Variants in NNT observed in about 807,000 individuals in gnomAD.
NNT encodes nicotinamide nucleotide transhydrogenase.
In NNT, 50 loss-of-function variants were observed where a neutral mutation model predicts 104.8. The observed-to-expected ratio is 0.48, with a 90% CI of 0.38 to 0.60. The LOEUF (loss-of-function observed/expected upper bound fraction) is 0.60. Among genes scored for constraint, NNT ranks in the 20% least tolerant of loss-of-function variants. The pLI is 0.00. For synonymous variants in NNT, 461 were observed against 490.4 expected, an observed-to-expected ratio of 0.94 and a Z score of 0.79; for missense variants, 1,131 against 1,330.7, an observed-to-expected ratio of 0.85 and a Z score of 2.33.
Position 43,707,127 on chromosome 5 carries a change from A to G in NNT, c.*2723A>G, listed in dbSNP as rs1019005703. ...TAGAACTTAAAGTATAATTAAAAAA[A>G]AAAAGAAAACAGAAGCTATTTATAA... is the stretch of plus-strand genomic sequence containing the variant. On this transcript the variant is annotated 3_prime_UTR_variant, in exon 22 of 22. Transcript: ENST00000344920. 9 of 152,186 alleles carry G rather than the reference A, an allele frequency of 5.9e-5. No individual in the cohort carries two copies. The highest frequency in any genetic ancestry group is 1.3e-4 in the Non-Finnish European group (9 of 68,030). The allele number at this position is 152,186 out of a possible 1,614,324, so 9.4% of individuals were successfully genotyped here. A position where few individuals can be genotyped will look rare whatever the true frequency, so the allele number is the denominator to read the frequency against.
chr5:43,635,822 C>T (rs1028875675), intron 7 of NNT, among the ~76,000 whole-genome samples: 9 of 152,058 alleles, frequency 5.9e-5, no homozygotes, highest in South Asian at 2.1e-4. Flanking sequence ...CTCATTTTAA[C>T]GTAATCACCT....
At chr5:43,615,506 T>G (rs949748559) in intron 3 of NNT, among the ~76,000 whole-genome samples, 10 of 152,202 alleles carry the variant, frequency 6.6e-5, no homozygotes, top group African/African-American at 2.2e-4. Context: ...ATCTGTTAAT[T>G]TTACCAGGGT....
At position 43,669,779 on chromosome 5, in the gene NNT, G is replaced by A. The variant is rs546716769; in HGVS notation, c.2635-5732G>A. Among the ~76,000 whole-genome samples, 14 of 152,240 alleles carry A rather than the reference G, an allele frequency of 9.2e-5. No individual in the cohort carries two copies. In the East Asian group the frequency reaches 1.2e-3, roughly 13 times the overall value. ...TGTCTCTGTCAGGCTTTGGTATCAG[G>A]ATGATGCTGGCCTCATAAAATGAGT... is the stretch of plus-strand genomic sequence containing the variant. On this transcript the variant is annotated intron_variant, in intron 17 of 21. Transcript: ENST00000344920.
intron 17 of NNT, among the ~76,000 whole-genome samples, chr5:43,669,970 G>T (rs9765673): frequency 6.6e-6 from 1 of 152,038 alleles, no homozygotes; most frequent in Admixed American, 6.5e-5. Context: ...CCTGTTATTG[G>T]TCTATTCAGG....
In NNT at chr5:43,705,008, CTAAA is replaced by C. The variant is rs1403165755; in HGVS notation, c.*608_*611del. 2 of 152,124 alleles carry C rather than the reference CTAAA, an allele frequency of 1.3e-5. No homozygotes were observed. The highest frequency in any genetic ancestry group is 2.9e-5 in the Non-Finnish European group (2 of 67,976). The allele number at this position is 152,124 out of a possible 1,614,324, so 9.4% of individuals were successfully genotyped here. A position where few individuals can be genotyped will look rare whatever the true frequency, so the allele number is the denominator to read the frequency against. On this transcript the variant is annotated 3_prime_UTR_variant, in exon 22 of 22. Coordinates refer to ENST00000344920, the MANE Select transcript of NNT (RefSeq NM_182977.3). Reference sequence around the variant, plus strand: ...ACTACTATTTTAATACATTAAAGGACTAAATAATCTTTCAGAGATGCTGGAAACA... The same window carrying C: ...ACTACTATTTTAATACATTAAAGGACTAATCTTTCAGAGATGCTGGAAACA...
intron 17 of NNT, among the ~76,000 whole-genome samples, chr5:43,666,147 G>C (rs1046383206): frequency 6.6e-6 from 1 of 151,892 alleles, no homozygotes; most frequent in African/African-American, 2.4e-5. Context: ...CATCCCAGAC[G>C]ATGGGCGGCC....
At chr5:43,657,440 C>T (rs992705478) in intron 16 of NNT, among the ~76,000 whole-genome samples, 4 of 152,106 alleles carry the variant, frequency 2.6e-5, no homozygotes, top group Middle Eastern at 3.2e-3. Context: ...TTTTATGCAG[C>T]GCTATTTACT....
At chr5:43,683,849 T>TA (rs1169639031) in intron 19 of NNT, among the ~76,000 whole-genome samples, 6 of 152,204 alleles carry the variant, frequency 3.9e-5, no homozygotes, top group African/African-American at 1.2e-4. Flanking sequence ...TTGCCTATTT[T>TA]AAAATCAAAA....
At chr5:43,673,147 G>A (rs1741219498) in intron 17 of NNT, among the ~76,000 whole-genome samples, 1 of 152,182 alleles carries the variant, frequency 6.6e-6, no homozygotes, top group African/African-American at 2.4e-5. Flanking sequence ...GTAGTATTAG[G>A]GTGGGAGTGA....
In NNT at chr5:43,705,280, T is replaced by A. The variant is rs1240379748; in HGVS notation, c.*876T>A. 1.3e-5 allele frequency: 2 copies of A among 152,288 alleles called. No homozygotes were observed. The highest frequency in any genetic ancestry group is 2.1e-4 in the South Asian group (1 of 4,832). The allele number at this position is 152,288 out of a possible 1,614,324, so 9.4% of individuals were successfully genotyped here. ...GGTGACAAAAGAGTAAAATCAAATA[T>A]TTCTGCCTGTTACAAATATCAAGGA... is the stretch of plus-strand genomic sequence containing the variant. On this transcript the variant is annotated 3_prime_UTR_variant, in exon 22 of 22. Transcript: ENST00000344920.
At chr5:43,643,910 C>T (rs566370687) in intron 7 of NNT, among the ~76,000 whole-genome samples, 35 of 152,120 alleles carry the variant, frequency 2.3e-4, no homozygotes, top group African/African-American at 6.5e-4. Flanking sequence ...GTGTATAAAC[C>T]GGGTAGGGAG....
Position 43,645,528 on chromosome 5 carries a change from C to G in NNT, c.1444+18C>G. 1 of 1,468,346 alleles carries G rather than the reference C, an allele frequency of 6.8e-7. No homozygotes were observed. Among genetic ancestry groups the G allele is most frequent in the Non-Finnish European group, 9.0e-7 (1 of 1,107,256 alleles). The allele number at this position is 1,468,346 out of a possible 1,614,324, so 91.0% of individuals were successfully genotyped here. On this transcript the variant is annotated intron_variant, in intron 10 of 21. Coordinates refer to ENST00000344920, the MANE Select transcript of NNT (RefSeq NM_182977.3). ...TACAGCAGGTGAGGATACCATTTAC[C>G]AGGGTTTAGTCTTGATTGTTTGATT...
intron 17 of NNT, among the ~76,000 whole-genome samples, chr5:43,671,904 A>G (rs1406723809): frequency 6.6e-6 from 1 of 152,148 alleles, no homozygotes; most frequent in Admixed American, 6.5e-5. Context: ...CATTCTCCTC[A>G]TCACTTTCAG....
At chr5:43,668,167 A>G (rs1373459678) in intron 17 of NNT, among the ~76,000 whole-genome samples, 3 of 150,404 alleles carry the variant, frequency 2.0e-5, no homozygotes, top group Admixed American at 2.0e-4. Flanking sequence ...TAGATTCTGG[A>G]TATTAGCCCT....
At chr5:43,673,457 G>T (rs1741240800) in intron 17 of NNT, among the ~76,000 whole-genome samples, 1 of 152,120 alleles carries the variant, frequency 6.6e-6, no homozygotes, top group Non-Finnish European at 1.5e-5. Flanking sequence ...TTTTAAAAAA[G>T]TTATCTATGA....
chr5:43,675,321 T>C (rs753846585), intron 17 of NNT, among the ~76,000 whole-genome samples, 190 bp from the exon 18 acceptor site: 2 of 152,242 alleles, frequency 1.3e-5, no homozygotes, highest in Non-Finnish European at 2.9e-5. Context: ...AATGTGGTTC[T>C]CAGATATCTT....
At chr5:43,632,743 G>A (rs1750742323) in intron 7 of NNT, among the ~76,000 whole-genome samples, 2 of 152,150 alleles carry the variant, frequency 1.3e-5, no homozygotes, top group African/African-American at 4.8e-5. Flanking sequence ...AAGTAAGGCA[G>A]CCCTGCTGTC....
intron 2 of NNT, among the ~76,000 whole-genome samples, chr5:43,612,346 C>T (rs914173884): frequency 1.3e-5 from 2 of 152,130 alleles, no homozygotes; most frequent in African/African-American, 4.8e-5. Flanking sequence ...AGATGATTGT[C>T]CTTGACACAG....
At chr5:43,606,169 C>T (rs1434732900) in intron 1 of NNT, among the ~76,000 whole-genome samples, 5 of 152,098 alleles carry the variant, frequency 3.3e-5, no homozygotes, top group African/African-American at 1.2e-4. Flanking sequence ...CACTCTTTTG[C>T]TGATGAGGTC....
Sources: gnomAD v4.1 joint callset for allele counts (sites outside exome capture counted in the v4.1 genomes callset) on GRCh38, gnomAD v4.1.1 for gene constraint, MANE v1.5 for transcripts, NCBI Gene and HGNC (gene_info 2026-07-23, HGNC 2026-07-21) for gene names.